The following FREM3 variants were observed in gnomAD, a reference collection of about 807,000 sequenced individuals.
The protein encoded by FREM3 is FRAS1 related extracellular matrix 3, also known as FRAS1-related extracellular matrix protein 3.
Under a neutral mutation model 129.1 loss-of-function variants are expected in FREM3, and 105 were observed. The ratio of observed to expected loss-of-function variants is 0.81; its 90% confidence interval spans 0.69 to 0.96. FREM3 has a LOEUF of 0.96. FREM3 is among the 40% of genes least tolerant of loss of function. The probability of loss-of-function intolerance (pLI) is 0.00; values close to 1 mark genes in which losing one functional copy is unlikely to be tolerated. For missense variants in FREM3, 2,593 were observed against 2,666.3 expected, an observed-to-expected ratio of 0.97 and a Z score of 0.61; for synonymous variants, 1,014 against 1,044.9, an observed-to-expected ratio of 0.97 and a Z score of 0.57.
At chr4:143,663,095 T>G (rs1324079639) in intron 2 of FREM3, among the ~76,000 whole-genome samples, 1 of 152,144 alleles carries the variant, frequency 6.6e-6, no homozygotes, top group Non-Finnish European at 1.5e-5. Flanking sequence ...TTAAAGTTAA[T>G]ATTGTTATGT....
intron 2 of FREM3, among the ~76,000 whole-genome samples, chr4:143,680,276 A>T (rs1740226948): frequency 6.6e-6 from 1 of 151,606 alleles, no homozygotes; most frequent in East Asian, 1.9e-4. Context: ...TATATGGAAT[A>T]TATATGCATA....
chr4:143,618,858 T>G (rs1346500300), intron 5 of FREM3, among the ~76,000 whole-genome samples: 6 of 152,144 alleles, frequency 3.9e-5, no homozygotes, highest in Non-Finnish European at 5.9e-5. Flanking sequence ...ATGGAGTCAC[T>G]GCACTCCAGC....
intron 5 of FREM3, among the ~76,000 whole-genome samples, chr4:143,619,542 G>A (rs1462839911): frequency 3.9e-5 from 6 of 152,058 alleles, no homozygotes; most frequent in Admixed American, 3.9e-4. Context: ...TACTCCCCAT[G>A]TATAGGATGA....
chr4:143,692,597 A>G (rs1740492878), intron 2 of FREM3, among the ~76,000 whole-genome samples: 1 of 152,194 alleles, frequency 6.6e-6, no homozygotes, highest in Non-Finnish European at 1.5e-5. Flanking sequence ...AGACAGACCA[A>G]GCTGCAGCAT....
chr4:143,647,022 T>C (rs1400424351), intron 2 of FREM3, among the ~76,000 whole-genome samples: 1 of 152,234 alleles, frequency 6.6e-6, no homozygotes, highest in African/African-American at 2.4e-5. Context: ...AGTTTGGAAC[T>C]TCCTAGAGAC....
At chr4:143,649,410 A>G (rs1273004008) in intron 2 of FREM3, 1 of 152,180 alleles carries the variant, frequency 6.6e-6, no homozygotes, top group East Asian at 1.9e-4. Context: ...CCCATTACAG[A>G]CTGCATAGAC....
chr4:143,664,645 A>G (rs1429416349), intron 2 of FREM3, among the ~76,000 whole-genome samples: 1 of 152,168 alleles, frequency 6.6e-6, no homozygotes, highest in Non-Finnish European at 1.5e-5. Flanking sequence ...TTAAGTCTGC[A>G]GAGGTTACTG....
At chr4:143,620,623 A>G (rs1046666081) in intron 5 of FREM3, among the ~76,000 whole-genome samples, 3 of 152,216 alleles carry the variant, frequency 2.0e-5, no homozygotes, top group Non-Finnish European at 4.4e-5. Context: ...GAAACTGAGT[A>G]GTATATACAG....
At chr4:143,683,844 C>T (rs1190683700) in intron 2 of FREM3, among the ~76,000 whole-genome samples, 1 of 152,118 alleles carries the variant, frequency 6.6e-6, no homozygotes, top group Non-Finnish European at 1.5e-5. Context: ...TGAGAACTGC[C>T]CTTCAGTTTG....
intron 2 of FREM3, among the ~76,000 whole-genome samples, chr4:143,677,898 T>C (rs1298232200): frequency 1.3e-5 from 2 of 152,214 alleles, no homozygotes; most frequent in Non-Finnish European, 2.9e-5. Flanking sequence ...CAACAGGTGC[T>C]GGAGAGGATG....
chr4:143,609,488 A>T (rs1019674396), intron 6 of FREM3, among the ~76,000 whole-genome samples: 1 of 150,676 alleles, frequency 6.6e-6, no homozygotes, highest in African/African-American at 2.4e-5. Flanking sequence ...TGTAAAAAAA[A>T]AGTCTCCACT....
chr4:143,671,876 G>C (rs1025822240), intron 2 of FREM3, among the ~76,000 whole-genome samples: 4 of 152,212 alleles, frequency 2.6e-5, no homozygotes, highest in Admixed American at 6.5e-5. Context: ...AAACGTGTGA[G>C]CAGGATCTAA....
intron 2 of FREM3, among the ~76,000 whole-genome samples, chr4:143,673,622 C>T (rs911662337): frequency 6.6e-6 from 1 of 152,224 alleles, no homozygotes; most frequent in African/African-American, 2.4e-5. Flanking sequence ...TCAAAGCTGT[C>T]AGACAGGGAC....
chr4:143,661,976 C>T (rs959339527), intron 2 of FREM3, among the ~76,000 whole-genome samples: 2 of 151,906 alleles, frequency 1.3e-5, no homozygotes, highest in Admixed American at 6.6e-5. Flanking sequence ...TGATTCTTCT[C>T]TCTTTTTTTC....
At chr4:143,650,572 C>T (rs961240531) in intron 2 of FREM3, among the ~76,000 whole-genome samples, 3 of 152,184 alleles carry the variant, frequency 2.0e-5, no homozygotes, top group African/African-American at 7.2e-5. Context: ...CTCACTGCAG[C>T]CTTGAACTCC....
intron 3 of FREM3, among the ~76,000 whole-genome samples, chr4:143,625,036 G>C (rs998266011): frequency 9.2e-5 from 14 of 151,894 alleles, no homozygotes; most frequent in African/African-American, 3.4e-4. Flanking sequence ...TTTGAGCTCT[G>C]TTAGGAAATA....
At chr4:143,651,175 A>G (rs1179459877) in intron 2 of FREM3, among the ~76,000 whole-genome samples, 1 of 152,216 alleles carries the variant, frequency 6.6e-6, no homozygotes, top group African/African-American at 2.4e-5. Context: ...GGTTTTAAAA[A>G]CACGTATCTC....
chr4:143,614,905 T>C (rs1421344031), intron 5 of FREM3, among the ~76,000 whole-genome samples: 1 of 152,228 alleles, frequency 6.6e-6, no homozygotes, highest in African/African-American at 2.4e-5. Context: ...GGATCCAGCA[T>C]ACCACTCTAT....
chr4:143,577,374 A>T lies in FREM3; in HGVS notation c.*237T>A. The T allele has an allele frequency of 2.0e-6, 1 of 502,806 alleles. No individual in the cohort carries two copies. The highest frequency in any genetic ancestry group is 4.2e-5 in the South Asian group (1 of 24,032). The allele number at this position is 502,806 out of a possible 1,614,324, so 31.1% of individuals were successfully genotyped here. A position where few individuals can be genotyped will look rare whatever the true frequency, so the allele number is the denominator to read the frequency against. ...CTTGCCTCAGAAACAAAGTAAAACA[A>T]AATAGAAAAAGAACATGAACACAGT... On this transcript the variant is annotated 3_prime_UTR_variant, in exon 8 of 8. Transcript: ENST00000329798.
Sources: allele counts gnomAD v4.1 joint callset (sites outside exome capture counted in the v4.1 genomes callset), GRCh38; gene constraint gnomAD v4.1.1; transcripts MANE v1.5; gene names NCBI Gene and HGNC (gene_info 2026-07-23, HGNC 2026-07-21).